TRIM26: variants seen among roughly 807,000 people sequenced by gnomAD.
The protein encoded by TRIM26 is tripartite motif-containing protein 26.
In TRIM26, 16 loss-of-function variants were observed where a neutral mutation model predicts 45.5. That is an observed-to-expected ratio of 0.35 (90% confidence interval 0.24 to 0.53). The LOEUF (loss-of-function observed/expected upper bound fraction) is 0.53. TRIM26 is among the 20% of genes least tolerant of loss of function. The probability of loss-of-function intolerance (pLI) is 0.92; values close to 1 mark genes in which losing one functional copy is unlikely to be tolerated. For missense variants in TRIM26, 442 were observed against 691.1 expected (o/e 0.64, Z 4.04); for synonymous variants, 273 against 290.4 (o/e 0.94, Z 0.61).
At position 30,189,593 on chromosome 6, in the gene TRIM26, T is replaced by TA; in HGVS notation, c.789-61dup. On this transcript the variant is annotated intron_variant, in intron 7 of 9. Coordinates refer to ENST00000454678, the MANE Select transcript of TRIM26 (RefSeq NM_003449.5). The surrounding 1 kb of genome is among the most constrained non-coding windows in gnomAD (Gnocchi z 5.0). ...AGCTCTTCTTACTTTCCTTCATACT[T>TA]ATCTCTCAATCCTCATGGCAATTAT... The TA allele has an allele frequency of 7.4e-7, 1 of 1,357,744 alleles. No individual in the cohort carries two copies. The highest frequency in any genetic ancestry group is 1.1e-6 in the Non-Finnish European group (1 of 951,704). The allele number at this position is 1,357,744 out of a possible 1,614,324, so 84.1% of individuals were successfully genotyped here.
Position 30,186,127 on chromosome 6 carries a change from C to T in TRIM26, c.1369G>A (p.Glu457Lys), listed in dbSNP as rs1475860117. 1 of 1,591,204 alleles carries T rather than the reference C, an allele frequency of 6.3e-7. No individual in the cohort carries two copies. Among genetic ancestry groups the T allele is most frequent in the South Asian group, 1.1e-5 (1 of 88,072 alleles). Residue 457 changes from glutamate (E) to lysine (K), a missense_variant, in exon 10 of 10, where the codon GAG becomes AAG. Physicochemically the swap from Glu to Lys is moderately conservative, Grantham distance 56. Transcript: ENST00000454678. The surrounding 1 kb of genome is among the most constrained non-coding windows in gnomAD (Gnocchi z 7.4). Reference protein sequence around the residue: ...KRKGDLSLRPEDGVWALRLSS... With the variant: ...KRKGDLSLRPKDGVWALRLSS... ...AGGCGCAGCGCCCACACGCCATCCT[C>T]TGGCCGCAGGGAGAGGTCTCCCTTC...
chr6:30,198,613 GT>G lies in TRIM26; in HGVS notation c.438+52del, dbSNP rs1776742663. The G allele has an allele frequency of 6.2e-7, 1 of 1,608,728 alleles. No homozygotes were observed. Among genetic ancestry groups the G allele is most frequent in the Non-Finnish European group, 8.5e-7 (1 of 1,178,154 alleles). On this transcript the variant is annotated intron_variant, in intron 4 of 9. Transcript: ENST00000454678. The surrounding 1 kb of genome is among the most constrained non-coding windows in gnomAD (Gnocchi z 6.3). ...GGCTGAGTCCTCTGAGGACTGCAAG[GT>G]GGAGCATCCAGAGAAGGTGGCAAGG...
chr6:30,191,473 G>C (rs112852835), intron 6 of TRIM26, among the ~76,000 whole-genome samples: 170 of 152,072 alleles, frequency 1.1e-3, no homozygotes, highest in African/African-American at 3.6e-3. Flanking sequence ...TTCTAGCAGG[G>C]GGAAGCAGAC....
rs776090422 is a variant in TRIM26, at chr6:30,198,759, G to A, written c.345C>T (p.Asp115=). ...ACATCACGCACAGCAGCTTCCCGTC[G>A]TCCTCACAGTAGTAGTGCAGCTTCT... is the stretch of plus-strand genomic sequence containing the variant. ...HREKLHYYCE[D]DGKLLCVMCR... is the part of the protein sequence containing the mutation. The change falls in exon 4 of 10, where the codon GAC becomes GAT. Residue 115 remains aspartate, a synonymous_variant. Transcript: ENST00000454678. This position sits in a 1 kb window ranked among gnomAD's most constrained non-coding sequence, Gnocchi z 6.3. The A allele has an allele frequency of 2.4e-5, 38 of 1,604,016 alleles. No homozygotes were observed. The highest frequency in any genetic ancestry group is 9.9e-5 in the South Asian group (9 of 91,076).
In TRIM26 at chr6:30,185,005, G is replaced by C. The variant is rs561923534; in HGVS notation, c.*871C>G. 2 of 152,544 alleles carry C rather than the reference G, an allele frequency of 1.3e-5. No homozygotes were observed. Among genetic ancestry groups the C allele is most frequent in the Admixed American group, 6.5e-5 (1 of 15,290 alleles). 9.4% of individuals were successfully genotyped at this position (152,544 alleles called of 1,614,324 possible). On this transcript the variant is annotated 3_prime_UTR_variant, in exon 10 of 10. Transcript: ENST00000454678. The surrounding 1 kb of genome is among the most constrained non-coding windows in gnomAD (Gnocchi z 5.7). ...GAGACAGAGGCTTAACACCCTGCTG[G>C]GGAACCCGGTCAGAACTCCCGAGGC...
In TRIM26 at chr6:30,192,760, G is replaced by A. The variant is rs557322633; in HGVS notation, c.766-2725C>T. On this transcript the variant is annotated intron_variant, in intron 6 of 9. Coordinates refer to ENST00000454678, the MANE Select transcript of TRIM26 (RefSeq NM_003449.5). ...ACTTTGACAGCCAAATAATCTCTGGGAAAATATTAATGCTAATTAGGGAGG... is the reference window on the plus strand; with the variant it reads ...ACTTTGACAGCCAAATAATCTCTGGAAAAATATTAATGCTAATTAGGGAGG... Among the ~76,000 whole-genome samples, 8 of 152,102 alleles carry A rather than the reference G, an allele frequency of 5.3e-5. No individual in the cohort carries two copies. The South Asian group carries it at 1.7e-3, about 32-fold the overall frequency.
chr6:30,202,521 G>A (rs564173277), intron 2 of TRIM26, among the ~76,000 whole-genome samples: 2 of 152,332 alleles, frequency 1.3e-5, no homozygotes, highest in African/African-American at 4.8e-5. Context: ...GAGATCCAGT[G>A]GTTATCTTAA....
chr6:30,195,663 T>C (rs540755481), intron 6 of TRIM26, among the ~76,000 whole-genome samples: 1 of 152,268 alleles, frequency 6.6e-6, no homozygotes, highest in East Asian at 1.9e-4. Context: ...CTCCTAGCTA[T>C]TGCCCTGCCA....
chr6:30,200,759 G>A (rs1251323069), intron 3 of TRIM26, among the ~76,000 whole-genome samples: 1 of 152,194 alleles, frequency 6.6e-6, no homozygotes, highest in Non-Finnish European at 1.5e-5. Context: ...CTGAGCCTCA[G>A]TGTATCCATC....
At position 30,199,125 on chromosome 6, in the gene TRIM26, T is replaced by C. The variant is rs1177949531; in HGVS notation, c.-22A>G. On this transcript the variant is annotated 5_prime_UTR_variant, in exon 4 of 10. Coordinates refer to ENST00000454678, the MANE Select transcript of TRIM26 (RefSeq NM_003449.5). ...CCATGGTATCCTTAGTTCAGAGAGG[T>C]CTCCGTTCACTGGTGAGGACTTCTT... The C allele has an allele frequency of 3.3e-6, 5 of 1,529,534 alleles. No homozygotes were observed. Among genetic ancestry groups the C allele is most frequent in the Non-Finnish European group, 4.4e-6 (5 of 1,136,080 alleles). 94.7% of individuals were successfully genotyped at this position (1,529,534 alleles called of 1,614,324 possible).
chr6:30,200,463 A>AC (rs1226361538), intron 3 of TRIM26, among the ~76,000 whole-genome samples: 1 of 152,104 alleles, frequency 6.6e-6, no homozygotes, highest in Non-Finnish European at 1.5e-5. Context: ...AGAAGGCTGG[A>AC]CTCTAAACAC....
intron 1 of TRIM26, among the ~76,000 whole-genome samples, chr6:30,208,229 T>C (rs1364413907): frequency 6.6e-6 from 1 of 152,192 alleles, no homozygotes; most frequent in Non-Finnish European, 1.5e-5. Context: ...TCCAGCAAGA[T>C]GGTAGTAAAT....
intron 6 of TRIM26, among the ~76,000 whole-genome samples, chr6:30,193,096 GTATCTATATACATATATA>G (rs1562198856): frequency 9.1e-4 from 106 of 116,222 alleles, no homozygotes; most frequent in African/African-American, 2.0e-3. Context: ...ACATATATAT[GTATCTATATACATATATA>G]TGTGTATATA....
At position 30,189,276 on chromosome 6, in the gene TRIM26, T is replaced by C; in HGVS notation, c.905-77A>G. 2.5e-6 allele frequency: 4 copies of C among 1,601,256 alleles called. No homozygotes were observed. Among genetic ancestry groups the C allele is most frequent in the Non-Finnish European group, 3.4e-6 (4 of 1,169,442 alleles). ...CATTTCTTGCTCGGGCAGTATCAAT[T>C]TCCTGATAGGGATCCATGTCTAAGA... On this transcript the variant is annotated intron_variant, in intron 8 of 9. Transcript: ENST00000454678. This position sits in a 1 kb window ranked among gnomAD's most constrained non-coding sequence, Gnocchi z 5.0.
intron 6 of TRIM26, among the ~76,000 whole-genome samples, chr6:30,191,929 C>T (rs1173739522): frequency 6.6e-6 from 1 of 152,214 alleles, no homozygotes; most frequent in Non-Finnish European, 1.5e-5. Context: ...GGCCAGAGGC[C>T]CATTTGGGCA....
Position 30,189,267 on chromosome 6 carries a change from A to C in TRIM26, c.905-68T>G. ...TTATGAGCCCATTTCTTGCTCGGGC[A>C]GTATCAATTTCCTGATAGGGATCCA... On this transcript the variant is annotated intron_variant, in intron 8 of 9. Coordinates refer to ENST00000454678, the MANE Select transcript of TRIM26 (RefSeq NM_003449.5). The surrounding 1 kb of genome is among the most constrained non-coding windows in gnomAD (Gnocchi z 5.0). The C allele has an allele frequency of 6.2e-7, 1 of 1,607,654 alleles. No individual in the cohort carries two copies. The highest frequency in any genetic ancestry group is 8.5e-7 in the Non-Finnish European group (1 of 1,175,148).
intron 6 of TRIM26, among the ~76,000 whole-genome samples, chr6:30,193,182 AT>A (rs59857727): frequency 0.023 from 891 of 38,508 alleles, 15 homozygotes; most frequent in South Asian, 0.032. Flanking sequence ...ATATATATAT[AT>A]TTTTTTTTTT....
rs527368212 is a variant in TRIM26 at position 30,190,133 on chromosome 6, GA to G, written c.766-99del. 2.8e-4 allele frequency: 383 copies of G among 1,344,512 alleles called. No individual in the cohort carries two copies. The highest frequency in any genetic ancestry group is 3.6e-4 in the Non-Finnish European group (339 of 949,038). 83.3% of individuals were successfully genotyped at this position (1,344,512 alleles called of 1,614,324 possible). On this transcript the variant is annotated intron_variant, in intron 6 of 9. Coordinates refer to ENST00000454678, the MANE Select transcript of TRIM26 (RefSeq NM_003449.5). The surrounding 1 kb of genome is among the most constrained non-coding windows in gnomAD (Gnocchi z 4.3). ...TGTAGCAGAGATGGGACATATCAGT[GA>G]ACAAAACAAATGTGGTCCCTTTTTT...
intron 5 of TRIM26, among the ~76,000 whole-genome samples, chr6:30,197,251 G>A (rs1212966187): frequency 1.3e-5 from 2 of 152,258 alleles, no homozygotes; most frequent in Non-Finnish European, 1.5e-5. Flanking sequence ...ATTGTGTGAC[G>A]TCTGTGCTTA....
Sources: allele counts gnomAD v4.1 joint callset (sites outside exome capture counted in the v4.1 genomes callset), GRCh38; gene constraint gnomAD v4.1.1; non-coding constraint Gnocchi (gnomAD v3.1); transcripts MANE v1.5; gene names NCBI Gene and HGNC (gene_info 2026-07-23, HGNC 2026-07-21).